The following DRC11 variants were observed in gnomAD, a reference collection of about 807,000 sequenced individuals.
DRC11 encodes dynein regulatory complex subunit 11.
chr2:236,367,287 A>G, the DRC11 span, among the ~76,000 whole-genome samples: 4 of 148,178 alleles, frequency 2.7e-5, no homozygotes, highest in East Asian at 7.8e-4. This position sits in a 1 kb window ranked among gnomAD's most constrained non-coding sequence, Gnocchi z 4.8. Flanking sequence ...GTGCTATTAT[A>G]TATTATATAA....
At chr2:236,347,508 C>CTCTCTA in the DRC11 span, among the ~76,000 whole-genome samples, 1 of 107,494 alleles carries the variant, frequency 9.3e-6, no homozygotes, top group African/African-American at 3.2e-5. Flanking sequence ...AAAAACTGTG[C>CTCTCTA]TATATATATA....
chr2:236,357,868 AATATAC>A, the DRC11 span, among the ~76,000 whole-genome samples: 19 of 123,678 alleles, frequency 1.5e-4, no homozygotes, highest in East Asian at 4.7e-4. Context: ...ATACTATATA[AATATAC>A]ATATACTATA....
At chr2:236,406,199 G>T in the DRC11 span, among the ~76,000 whole-genome samples, 1 of 152,218 alleles carries the variant, frequency 6.6e-6, no homozygotes, top group Non-Finnish European at 1.5e-5. This position sits in a 1 kb window ranked among gnomAD's most constrained non-coding sequence, Gnocchi z 4.7. Flanking sequence ...AAGAGGCTTT[G>T]TTATCAAAAT....
the DRC11 span, among the ~76,000 whole-genome samples, chr2:236,357,673 TA>T: frequency 2.6e-3 from 328 of 125,146 alleles, 2 homozygotes; most frequent in African/African-American, 0.01. Context: ...AATACATAAA[TA>T]TATATTTACA....
At chr2:236,447,881 C>T in the DRC11 span, among the ~76,000 whole-genome samples, 1 of 76,764 alleles carries the variant, frequency 1.3e-5, no homozygotes. This position sits in a 1 kb window ranked among gnomAD's most constrained non-coding sequence, Gnocchi z 4.6. Flanking sequence ...GAAAGCTGGC[C>T]AGGGGAGGGT....
chr2:236,452,848 TA>T, the DRC11 span, among the ~76,000 whole-genome samples: 5 of 152,172 alleles, frequency 3.3e-5, no homozygotes, highest in African/African-American at 4.8e-5. This position sits in a 1 kb window ranked among gnomAD's most constrained non-coding sequence, Gnocchi z 4.7. Context: ...CTTCCTTTTT[TA>T]AAAAAATTTT....
chr2:236,314,022 G>C, the DRC11 span, among the ~76,000 whole-genome samples: 1 of 152,128 alleles, frequency 6.6e-6, no homozygotes, highest in Non-Finnish European at 1.5e-5. This position sits in a 1 kb window ranked among gnomAD's most constrained non-coding sequence, Gnocchi z 4.5. Context: ...AACCTGAAAA[G>C]ATGATAAAAC....
chr2:236,491,269 T>C, the DRC11 span, among the ~76,000 whole-genome samples: 26 of 79,976 alleles, frequency 3.3e-4, 1 homozygote, highest in African/African-American at 1.3e-3. Context: ...TATATATATA[T>C]ATACACACAG....
chr2:236,321,504 C>T, the DRC11 span, among the ~76,000 whole-genome samples: 39 of 152,266 alleles, frequency 2.6e-4, no homozygotes, highest in African/African-American at 9.4e-4. Flanking sequence ...CTCTCCACAC[C>T]CACTCACACA....
the DRC11 span, among the ~76,000 whole-genome samples, chr2:236,386,577 C>T: frequency 9.9e-5 from 15 of 152,146 alleles, no homozygotes; most frequent in South Asian, 1.0e-3. Flanking sequence ...GTCTTGCTAG[C>T]GGTCTATCAA....
the DRC11 span, among the ~76,000 whole-genome samples, chr2:236,446,864 C>T: frequency 6.6e-6 from 1 of 151,874 alleles, no homozygotes; most frequent in Non-Finnish European, 1.5e-5. This position sits in a 1 kb window ranked among gnomAD's most constrained non-coding sequence, Gnocchi z 6.2. Flanking sequence ...AGAGCTGATT[C>T]GTCCACCTCG....
chr2:236,320,290 G>A, the DRC11 span, among the ~76,000 whole-genome samples: 1 of 152,198 alleles, frequency 6.6e-6, no homozygotes, highest in African/African-American at 2.4e-5. Flanking sequence ...TCGCATCATC[G>A]CGTGCTTCTC....
the DRC11 span, among the ~76,000 whole-genome samples, chr2:236,460,601 T>C: frequency 1.3e-5 from 2 of 152,156 alleles, no homozygotes; most frequent in African/African-American, 4.8e-5. This position sits in a 1 kb window ranked among gnomAD's most constrained non-coding sequence, Gnocchi z 4.0. Context: ...GGGTTTCTAT[T>C]ATAAAAATAA....
the DRC11 span, among the ~76,000 whole-genome samples, chr2:236,491,161 A>ATATATATATATATATATACACACAG: frequency 7.8e-5 from 4 of 51,526 alleles, no homozygotes; most frequent in African/African-American, 4.8e-4. Flanking sequence ...TACACACAGT[A>ATATATATATATATATATACACACAG]TATATATATA....
At chr2:236,491,271 T>TATATATACAC in the DRC11 span, among the ~76,000 whole-genome samples, 6 of 67,450 alleles carry the variant, frequency 8.9e-5, no homozygotes, top group African/African-American at 4.1e-4. Context: ...TATATATATA[T>TATATATACAC]ACACACAGTA....
At chr2:236,347,734 A>G in the DRC11 span, among the ~76,000 whole-genome samples, 19 of 151,984 alleles carry the variant, frequency 1.3e-4, no homozygotes, top group South Asian at 2.3e-3. Context: ...GAGGGATGAA[A>G]GACTACAAAA....
the DRC11 span, among the ~76,000 whole-genome samples, chr2:236,329,069 T>G: frequency 3.9e-5 from 6 of 152,364 alleles, no homozygotes; most frequent in African/African-American, 1.4e-4. Context: ...GCTCCACCTT[T>G]GGATAGCAAT....
chr2:236,408,913 T>A, the DRC11 span: 2 of 666,490 alleles, frequency 3.0e-6, no homozygotes, highest in Non-Finnish European at 5.6e-6. This position sits in a 1 kb window ranked among gnomAD's most constrained non-coding sequence, Gnocchi z 5.5. Flanking sequence ...TCTTGCACGA[T>A]GTGGGTCATG....
At chr2:236,319,284 G>A in the DRC11 span, among the ~76,000 whole-genome samples, 4 of 152,172 alleles carry the variant, frequency 2.6e-5, no homozygotes, top group East Asian at 1.9e-4. This position sits in a 1 kb window ranked among gnomAD's most constrained non-coding sequence, Gnocchi z 6.7. Flanking sequence ...CCGTGTACAC[G>A]GCTCAGTTTA....
Sources: allele counts gnomAD v4.1 joint callset (sites outside exome capture counted in the v4.1 genomes callset), GRCh38; gene constraint gnomAD v4.1.1; non-coding constraint Gnocchi (gnomAD v3.1); transcripts MANE v1.5; gene names NCBI Gene and HGNC (gene_info 2026-07-23, HGNC 2026-07-21).